RELA: variants seen among roughly 807,000 people sequenced by gnomAD.
The protein encoded by RELA is RELA proto-oncogene, NF-kB subunit, also known as transcription factor p65.
In RELA, 14 loss-of-function variants were observed where a neutral mutation model predicts 56.7. The ratio of observed to expected loss-of-function variants is 0.25; its 90% confidence interval spans 0.16 to 0.39. The LOEUF (loss-of-function observed/expected upper bound fraction) is 0.39, where lower values mean the gene tolerates loss of function less well. Among genes scored for constraint, RELA ranks in the 10% least tolerant of loss-of-function variants. The pLI, the probability that RELA is intolerant of heterozygous loss-of-function variation, is 1.00. For synonymous variants in RELA, 315 were observed against 289.7 expected, an observed-to-expected ratio of 1.09 and a Z score of -0.89; for missense variants, 559 against 736.4, an observed-to-expected ratio of 0.76 and a Z score of 2.79.
rs765136433 is a variant in RELA, at chr11:65,660,222, G to GC, written c.336-8dup. 1.2e-6 allele frequency: 2 copies of GC among 1,613,780 alleles called. No individual in the cohort carries two copies. The highest frequency in any genetic ancestry group is 3.3e-5 in the Admixed American group (2 of 60,004). On this transcript the variant is annotated splice_polypyrimidine_tract_variant and splice_region_variant and intron_variant, in intron 4 of 10. Transcript: ENST00000406246. ...GATTCCCAGGTTCTGGAAACTGAGCGCCCCCAGTCGTCTGTCCCACTGTCT... is the reference window on the plus strand; with the variant it reads ...GATTCCCAGGTTCTGGAAACTGAGCGCCCCCCAGTCGTCTGTCCCACTGTCT...
chr11:65,661,123 C>G (rs1338098895), intron 4 of RELA, among the ~76,000 whole-genome samples: 1 of 151,992 alleles, frequency 6.6e-6, no homozygotes, highest in African/African-American at 2.4e-5. Flanking sequence ...CAGCAGTGAC[C>G]TCCTGGGCTC....
Position 65,662,839 on chromosome 11 carries a change from G to T in RELA, c.-7C>A. The T allele has an allele frequency of 8.3e-7, 1 of 1,197,992 alleles. No homozygotes were observed. Among genetic ancestry groups the T allele is most frequent in the Non-Finnish European group, 1.0e-6 (1 of 966,082 alleles). 74.2% of individuals were successfully genotyped at this position (1,197,992 alleles called of 1,614,324 possible). A position where few individuals can be genotyped will look rare whatever the true frequency, so the allele number is the denominator to read the frequency against. ...GGGCGACCTCACCGTCCATGGCCGGGGTCCCGGGGGCGGGGCCGGGGTCGC... is the reference window on the plus strand; with the variant it reads ...GGGCGACCTCACCGTCCATGGCCGGTGTCCCGGGGGCGGGGCCGGGGTCGC... On this transcript the variant is annotated 5_prime_UTR_variant, in exon 1 of 11. Coordinates refer to ENST00000406246, the MANE Select transcript of RELA (RefSeq NM_021975.4).
At position 65,662,086 on chromosome 11, in the gene RELA, G is replaced by A; in HGVS notation, c.37C>T (p.Pro13Ser). ...ELFPLIFPAE[P>S]AQASGPYVEI... ...ACATAGGGGCCAGAGGCCTGGGCTG[G>A]CTCTGCCAGGGGACACCGCAGCCCC... Residue 13 changes from proline (P) to serine (S), a missense_variant and splice_region_variant, in exon 3 of 11, where the codon CCA becomes TCA. Pro to Ser is a moderately conservative substitution (Grantham distance 74, BLOSUM62 -1). This residue lies in a region of RELA where 21 missense variants were observed against 17.4 expected (regional missense o/e 1.21). Coordinates refer to ENST00000406246, the MANE Select transcript of RELA (RefSeq NM_021975.4). The A allele has an allele frequency of 6.2e-7, 1 of 1,610,072 alleles. No individual in the cohort carries two copies. The highest frequency in any genetic ancestry group is 2.2e-5 in the East Asian group (1 of 44,752).
rs577457635 is a variant in RELA, at chr11:65,655,561, T to C, written c.1033+127A>G. 35 of 914,766 alleles carry C rather than the reference T, an allele frequency of 3.8e-5. No individual in the cohort carries two copies. In the South Asian group the frequency reaches 4.5e-4, roughly 12 times the overall value. The allele number at this position is 914,766 out of a possible 1,614,324, so 56.7% of individuals were successfully genotyped here. A position where few individuals can be genotyped will look rare whatever the true frequency, so the allele number is the denominator to read the frequency against. On this transcript the variant is annotated intron_variant, in intron 10 of 10. Coordinates refer to ENST00000406246, the MANE Select transcript of RELA (RefSeq NM_021975.4). ...AGCATCCCAGGAAGTCGCTGGTTCCTGCGCCATCCTTTCAAAGCCTCTGAT... is the reference window on the plus strand; with the variant it reads ...AGCATCCCAGGAAGTCGCTGGTTCCCGCGCCATCCTTTCAAAGCCTCTGAT...
At chr11:65,663,603 T>C (rs1465160296), upstream of RELA, among the ~76,000 whole-genome samples, 2 of 152,190 alleles carry the variant, frequency 1.3e-5, no homozygotes, top group African/African-American at 2.4e-5. Context: ...CTGCCGGCTC[T>C]CATCGGCTGT....
At chr11:65,655,268 C>T (rs1590931978) in intron 10 of RELA, 2 of 572,470 alleles carry the variant, frequency 3.5e-6, no homozygotes, top group African/African-American at 1.9e-5. Flanking sequence ...GAGAGATAAG[C>T]TGGACTCCTC....
At position 65,654,361 on chromosome 11, in the gene RELA, G is replaced by C; in HGVS notation, c.*17C>G. ...CCCCTGCAACCCAGTGCTCTGGGGA[G>C]GGCAGGCGTCACCCCCTTAGGAGCT... On this transcript the variant is annotated 3_prime_UTR_variant, in exon 11 of 11. Transcript: ENST00000406246. 2 of 1,613,818 alleles carry C rather than the reference G, an allele frequency of 1.2e-6. No individual in the cohort carries two copies. Among genetic ancestry groups the C allele is most frequent in the Non-Finnish European group, 1.7e-6 (2 of 1,179,948 alleles).
chr11:65,662,203 G>T lies in RELA; in HGVS notation c.10C>A (p.Leu4Met). The T allele has an allele frequency of 6.4e-7, 1 of 1,573,282 alleles. No homozygotes were observed. The highest frequency in any genetic ancestry group is 8.6e-7 in the Non-Finnish European group (1 of 1,165,234). The change falls in exon 2 of 11, where the codon CTG (leucine) becomes ATG (methionine). Residue 4 changes from leucine to methionine, a missense_variant and splice_region_variant. By Grantham distance (15) the Leu-to-Met change is conservative. This residue lies in a region of RELA where 21 missense variants were observed against 17.4 expected (regional missense o/e 1.21). Transcript: ENST00000406246. The stretch of plus-strand genomic sequence containing the variant: ...CCTGCCGGGAAGATGAGGGGGAACA[G>T]TTCTGAAAGGGGAGGGAGATCAGGG... Reference protein sequence around the residue: MDELFPLIFPAEPA... With the variant: MDEMFPLIFPAEPA...
chr11:65,661,059 AAGAC>A (rs953578761), intron 4 of RELA, among the ~76,000 whole-genome samples: 2 of 150,448 alleles, frequency 1.3e-5, no homozygotes, highest in Non-Finnish European at 3.0e-5. Flanking sequence ...AAAAAAAAAA[AAGAC>A]AAGGTATCGC....
Position 65,653,615 on chromosome 11 carries a change from GATTT to G in RELA, c.*759_*762del, listed in dbSNP as rs1449819410. 1 of 152,370 alleles carries G rather than the reference GATTT, an allele frequency of 6.6e-6. No homozygotes were observed. The highest frequency in any genetic ancestry group is 2.4e-5 in the African/African-American group (1 of 41,438). The allele number at this position is 152,370 out of a possible 1,614,324, so 9.4% of individuals were successfully genotyped here. A position where few individuals can be genotyped will look rare whatever the true frequency, so the allele number is the denominator to read the frequency against. On this transcript the variant is annotated 3_prime_UTR_variant, in exon 11 of 11. Transcript: ENST00000406246. ...CGGATCTCTAGCCAGCTTGGCAACA[GATTT>G]ATTAGTTCAGAGTAGAAAGAGCAAG...
At chr11:65,661,443 C>T in intron 4 of RELA, 1 of 410,358 alleles carries the variant, frequency 2.4e-6, no homozygotes, top group Admixed American at 4.0e-5. Context: ...CTTGTCCTTC[C>T]AGCTACAGGG....
At position 65,658,193 on chromosome 11, in the gene RELA, C is replaced by T; in HGVS notation, c.877+94G>A. ...GGATCCCAAGCTCTGACTCCAGCTT[C>T]TGGCCCTCAACCACAGCCCCAGACA... On this transcript the variant is annotated intron_variant, in intron 8 of 10. Coordinates refer to ENST00000406246, the MANE Select transcript of RELA (RefSeq NM_021975.4). The surrounding 1 kb of genome is among the most constrained non-coding windows in gnomAD (Gnocchi z 4.5). 1.1e-6 allele frequency: 1 copy of T among 916,030 alleles called. No homozygotes were observed. The highest frequency in any genetic ancestry group is 1.6e-6 in the Non-Finnish European group (1 of 614,218). The allele number at this position is 916,030 out of a possible 1,614,324, so 56.7% of individuals were successfully genotyped here.
In RELA at chr11:65,658,890, T is replaced by G; in HGVS notation, c.560-68A>C. On this transcript the variant is annotated intron_variant, in intron 6 of 10. Coordinates refer to ENST00000406246, the MANE Select transcript of RELA (RefSeq NM_021975.4). The surrounding 1 kb of genome is among the most constrained non-coding windows in gnomAD (Gnocchi z 4.5). ...GGTCCCCAGGGTGGCCTGCAGGAGATGCAACTTCCCTGCCCAGCCCAGAGT... is the reference window on the plus strand; with the variant it reads ...GGTCCCCAGGGTGGCCTGCAGGAGAGGCAACTTCCCTGCCCAGCCCAGAGT... The G allele has an allele frequency of 7.7e-7, 1 of 1,294,146 alleles. No individual in the cohort carries two copies. 80.2% of individuals were successfully genotyped at this position (1,294,146 alleles called of 1,614,324 possible).
At chr11:65,659,999 G>A (rs1188058976) in intron 5 of RELA, 125 bp downstream of exon 5, 2 of 1,171,894 alleles carry the variant, frequency 1.7e-6, no homozygotes, top group Non-Finnish European at 2.5e-6. Flanking sequence ...TGGTAAAGTG[G>A]GAGAGTACTG....
rs887641121 is a variant in RELA at position 65,654,870 on chromosome 11, G to A, written c.1164C>T (p.Pro388=). 3 of 1,572,932 alleles carry A rather than the reference G, an allele frequency of 1.9e-6. No individual in the cohort carries two copies. The highest frequency in any genetic ancestry group is 1.9e-5 in the Admixed American group (1 of 53,362). The change falls in exon 11 of 11, where the codon CCC becomes CCT. Residue 388 remains proline (P), a synonymous_variant. Coordinates refer to ENST00000406246, the MANE Select transcript of RELA (RefSeq NM_021975.4). ...GAGCAGGGGCAGGGGCTGGAGCCTG[G>A]GGCAGGACTTGGGGAGGGGCCGGGG... ...ALAPAPPQVL[P]QAPAPAPAPA... is the part of the protein sequence containing the mutation.
In RELA at chr11:65,654,521, T is replaced by C; in HGVS notation, c.1513A>G (p.Thr505Ala). 2 of 1,607,258 alleles carry C rather than the reference T, an allele frequency of 1.2e-6. No homozygotes were observed. Among genetic ancestry groups the C allele is most frequent in the South Asian group, 2.2e-5 (2 of 90,022 alleles). ...EYPEAITRLV[T>A]GAQRPPDPAP... Reference sequence around the variant, plus strand: ...GGGTCGGGGGGCCTCTGGGCCCCTGTCACTAGGCGAGTTATAGCCTCAGGG... The same window carrying C: ...GGGTCGGGGGGCCTCTGGGCCCCTGCCACTAGGCGAGTTATAGCCTCAGGG... Residue 505 changes from threonine to alanine, a missense_variant, in exon 11 of 11, where the codon ACA (threonine) becomes GCA (alanine). Transcript: ENST00000406246.
rs1485828106 is a variant in RELA, at chr11:65,662,108, C to A, written c.35-20G>T. The A allele has an allele frequency of 3.7e-6, 6 of 1,604,578 alleles. No homozygotes were observed. In the South Asian group the frequency reaches 4.4e-5, roughly 12 times the overall value. Reference sequence around the variant, plus strand: ...CTGGCTCTGCCAGGGGACACCGCAGCCCCATTAGGCGGCTGCCCCCACTGC... The same window carrying A: ...CTGGCTCTGCCAGGGGACACCGCAGACCCATTAGGCGGCTGCCCCCACTGC... On this transcript the variant is annotated intron_variant, in intron 2 of 10. Transcript: ENST00000406246.
upstream of RELA, among the ~76,000 whole-genome samples, chr11:65,663,514 G>A (rs1329639501): frequency 6.6e-6 from 1 of 152,182 alleles, no homozygotes; most frequent in East Asian, 1.9e-4. Context: ...CGGATGGGAC[G>A]ACTGAGGCCC....
Position 65,654,883 on chromosome 11 carries a change from G to C in RELA, c.1151C>G (p.Pro384Arg), listed in dbSNP as rs1332591254. 1.2e-5 allele frequency: 19 copies of C among 1,580,150 alleles called. No individual in the cohort carries two copies. The highest frequency in any genetic ancestry group is 1.6e-5 in the Non-Finnish European group (19 of 1,162,220). Residue 384 changes from proline to arginine, a missense_variant, in exon 11 of 11, where the codon CCC (proline) becomes CGC (arginine). By Grantham distance (103) the Pro-to-Arg change is moderately radical. This residue lies in a region of RELA where 365 missense variants were observed against 387.5 expected (regional missense o/e 0.94). Transcript: ENST00000406246. ...GGCTGGAGCCTGGGGCAGGACTTGG[G>C]GAGGGGCCGGGGCCAAGGCCGAGGC... ...SQASALAPAPPQVLPQAPAPA... is the reference protein window; with the variant it reads ...SQASALAPAPRQVLPQAPAPA...
Sources: allele counts gnomAD v4.1 joint callset (sites outside exome capture counted in the v4.1 genomes callset), GRCh38; gene constraint gnomAD v4.1.1; regional missense constraint gnomAD v4.1.1; non-coding constraint Gnocchi (gnomAD v3.1); transcripts MANE v1.5; gene names NCBI Gene and HGNC (gene_info 2026-07-23, HGNC 2026-07-21).